Variants in TSPAN18 observed in about 807,000 individuals in gnomAD.
TSPAN18 encodes tetraspanin-18.
Under a neutral mutation model 27.3 loss-of-function variants are expected in TSPAN18, and 14 were observed. The observed-to-expected ratio is 0.51, with a 90% CI of 0.34 to 0.80. The LOEUF is 0.80. TSPAN18 is among the 30% of genes least tolerant of loss of function. The probability of loss-of-function intolerance (pLI) is 0.01; values close to 1 mark genes in which losing one functional copy is unlikely to be tolerated. For synonymous variants in TSPAN18, 143 were observed against 136.5 expected, an observed-to-expected ratio of 1.05 and a Z score of -0.33; for missense variants, 268 against 323.9, an observed-to-expected ratio of 0.83 and a Z score of 1.32.
intron 3 of TSPAN18, among the ~76,000 whole-genome samples, chr11:44,861,427 G>A (rs557801742): frequency 3.4e-5 from 5 of 145,664 alleles, no homozygotes; most frequent in East Asian, 2.1e-4. Context: ...GGAGGTGGTC[G>A]GGGCTGTGGG....
intron 3 of TSPAN18, among the ~76,000 whole-genome samples, chr11:44,891,341 T>C (rs1414360870): frequency 6.6e-6 from 1 of 152,202 alleles, no homozygotes; most frequent in Non-Finnish European, 1.5e-5. Context: ...TCAGGCCAGA[T>C]GGCTTTTGCA....
At chr11:44,830,960 T>C (rs1476852239) in intron 2 of TSPAN18, among the ~76,000 whole-genome samples, 1 of 152,166 alleles carries the variant, frequency 6.6e-6, no homozygotes, top group African/African-American at 2.4e-5. Flanking sequence ...AAAATGCCAC[T>C]GTGCCGGCCG....
chr11:44,813,662 G>A (rs74751251), intron 2 of TSPAN18, among the ~76,000 whole-genome samples: 7,080 of 152,224 alleles, frequency 0.047, 173 homozygotes, highest in Middle Eastern at 0.068. Flanking sequence ...GGTTAGAAAC[G>A]GGAATTGTAC....
intron 2 of TSPAN18, among the ~76,000 whole-genome samples, chr11:44,828,918 C>T (rs1366349164): frequency 6.6e-6 from 1 of 152,220 alleles, no homozygotes; most frequent in African/African-American, 2.4e-5. Context: ...GAAGCCACCA[C>T]TATCTCCTGC....
intron 2 of TSPAN18, among the ~76,000 whole-genome samples, chr11:44,845,777 C>T (rs835793): frequency 0.88 from 133,412 of 152,264 alleles, 58,509 homozygotes; most frequent in East Asian, 0.93. Flanking sequence ...CCCTCTGTGC[C>T]GTCTCCTTGA....
intron 1 of TSPAN18, among the ~76,000 whole-genome samples, chr11:44,748,078 C>T: frequency 6.6e-6 from 1 of 152,166 alleles, no homozygotes; most frequent in East Asian, 1.9e-4. Context: ...TCCTTTCTCT[C>T]AAAAGAGACA....
intron 1 of TSPAN18, among the ~76,000 whole-genome samples, chr11:44,742,610 T>C (rs1453934241): frequency 1.2e-4 from 19 of 152,178 alleles, no homozygotes; most frequent in Admixed American, 1.1e-3. Context: ...TGTTCACTTC[T>C]CGTGTCTCAA....
intron 1 of TSPAN18, among the ~76,000 whole-genome samples, chr11:44,747,790 T>A (rs1432336545): frequency 6.6e-6 from 1 of 152,176 alleles, no homozygotes; most frequent in Non-Finnish European, 1.5e-5. Flanking sequence ...CTCTCATCTT[T>A]CCACACTCAA....
chr11:44,765,361 G>A (rs566062549), intron 2 of TSPAN18, among the ~76,000 whole-genome samples: 1 of 152,326 alleles, frequency 6.6e-6, no homozygotes, highest in African/African-American at 2.4e-5. Context: ...ACTCCGAGGA[G>A]ATCTGATTGC....
intron 3 of TSPAN18, 76 bp downstream of exon 3, chr11:44,860,545 C>T (rs1412542689): frequency 2.0e-5 from 3 of 152,256 alleles, no homozygotes; most frequent in Non-Finnish European, 4.4e-5. Flanking sequence ...CTAAGGGTAA[C>T]CATCAGCAGG....
At chr11:44,795,075 C>T (rs1856317695) in intron 2 of TSPAN18, among the ~76,000 whole-genome samples, 1 of 137,962 alleles carries the variant, frequency 7.2e-6, no homozygotes, top group South Asian at 2.9e-4. Context: ...TTGGAACCCC[C>T]ACCCCCACCC....
intron 5 of TSPAN18, among the ~76,000 whole-genome samples, chr11:44,915,533 A>T (rs1169078714): frequency 6.6e-6 from 1 of 152,184 alleles, no homozygotes; most frequent in South Asian, 2.1e-4. Context: ...TCCCTTCTTC[A>T]GGAAGCACAG....
chr11:44,787,867 T>C (rs1407365219), intron 2 of TSPAN18, among the ~76,000 whole-genome samples: 1 of 151,958 alleles, frequency 6.6e-6, no homozygotes, highest in Non-Finnish European at 1.5e-5. Flanking sequence ...CTCACTTAAC[T>C]CGCCCTTCCC....
chr11:44,798,209 G>A (rs1856394844), intron 2 of TSPAN18, among the ~76,000 whole-genome samples: 1 of 152,124 alleles, frequency 6.6e-6, no homozygotes, highest in South Asian at 2.1e-4. Context: ...GGATTATTCT[G>A]AAGATGGTAC....
chr11:44,759,671 C>T (rs957390251), intron 1 of TSPAN18, among the ~76,000 whole-genome samples: 1 of 152,168 alleles, frequency 6.6e-6, no homozygotes, highest in African/African-American at 2.4e-5. Flanking sequence ...CATTCAAGTT[C>T]TTTTATAAAT....
chr11:44,783,154 T>C (rs1480222228), intron 2 of TSPAN18, among the ~76,000 whole-genome samples: 1 of 152,106 alleles, frequency 6.6e-6, no homozygotes, highest in Non-Finnish European at 1.5e-5. Context: ...TATTATATAA[T>C]TTGTCCTTTT....
At position 44,930,766 on chromosome 11, in the gene TSPAN18, A is replaced by G. The variant is rs369658944; in HGVS notation, c.*1588A>G. On this transcript the variant is annotated 3_prime_UTR_variant, in exon 10 of 10. Coordinates refer to ENST00000520358, the MANE Select transcript of TSPAN18 (RefSeq NM_130783.5). ...GCAATCCTGATGAGTGATGTCTGCC[A>G]GGCACCGTAAGTTTGATTAGTGATG... 4 of 448,106 alleles carry G rather than the reference A, an allele frequency of 8.9e-6. No individual in the cohort carries two copies. The highest frequency in any genetic ancestry group is 8.0e-5 in the African/African-American group (4 of 49,836). 27.8% of individuals were successfully genotyped at this position (448,106 alleles called of 1,614,324 possible). A position where few individuals can be genotyped will look rare whatever the true frequency, so the allele number is the denominator to read the frequency against.
chr11:44,835,641 A>C, intron 2 of TSPAN18, among the ~76,000 whole-genome samples: 1 of 146,708 alleles, frequency 6.8e-6, no homozygotes, highest in East Asian at 2.2e-4. Context: ...GGGCGGGGGG[A>C]TAGGGGGCGG....
chr11:44,790,301 GTGTGCATGTGTT>G lies in TSPAN18; in HGVS notation c.-153+25798_-153+25809del, dbSNP rs1315132402. 4.6e-3 allele frequency among the ~76,000 whole-genome samples: 695 copies of G among 151,606 alleles called. 6 individuals are homozygous for G. Among genetic ancestry groups the G allele is most frequent in the African/African-American group, 0.016 (670 of 41,260 alleles). Reference sequence around the variant, plus strand: ...CATGTGTTCGTGTATGTGCATGTGTGTGTGCATGTGTTTGTGCATGCTTGTGCACGCATGTGT... The same window carrying G: ...CATGTGTTCGTGTATGTGCATGTGTGTGTGCATGCTTGTGCACGCATGTGT... On this transcript the variant is annotated intron_variant, in intron 2 of 9. Transcript: ENST00000520358.
Sources: gnomAD v4.1 joint callset for allele counts (sites outside exome capture counted in the v4.1 genomes callset) on GRCh38, gnomAD v4.1.1 for gene constraint, MANE v1.5 for transcripts, NCBI Gene and HGNC (gene_info 2026-07-23, HGNC 2026-07-21) for gene names.